The following SCNN1B variants were observed in gnomAD, a reference collection of about 807,000 sequenced individuals.
The protein encoded by SCNN1B is epithelial sodium channel subunit beta.
In SCNN1B, 46 loss-of-function variants were observed where a neutral mutation model predicts 65.3. The observed-to-expected ratio is 0.70, with a 90% CI of 0.56 to 0.90. The LOEUF (loss-of-function observed/expected upper bound fraction) is 0.90. Among genes scored for constraint, SCNN1B ranks in the 40% least tolerant of loss-of-function variants. The pLI, the probability that SCNN1B is intolerant of heterozygous loss-of-function variation, is 0.00. For synonymous variants in SCNN1B, 349 were observed against 330.6 expected, an observed-to-expected ratio of 1.06 and a Z score of -0.60; for missense variants, 751 against 830.5, an observed-to-expected ratio of 0.90 and a Z score of 1.18.
intron 2 of SCNN1B, among the ~76,000 whole-genome samples, chr16:23,287,698 T>C (rs1181480252): frequency 6.6e-6 from 1 of 152,144 alleles, no homozygotes; most frequent in Admixed American, 6.5e-5. Flanking sequence ...GAGCTATGAT[T>C]ATACCACCAC....
chr16:23,362,683 C>T (rs1010779035), intron 4 of SCNN1B, among the ~76,000 whole-genome samples: 3 of 152,172 alleles, frequency 2.0e-5, no homozygotes, highest in Non-Finnish European at 4.4e-5. Flanking sequence ...ATAGTTGGCA[C>T]GCACGTGGAG....
chr16:23,360,059 T>C (rs982438173), intron 4 of SCNN1B, among the ~76,000 whole-genome samples: 1 of 151,636 alleles, frequency 6.6e-6, no homozygotes, highest in Non-Finnish European at 1.5e-5. Flanking sequence ...AAAAATTAGC[T>C]GGGTGCAGTG....
intron 1 of SCNN1B, among the ~76,000 whole-genome samples, chr16:23,329,888 T>C (rs1961775105): frequency 6.6e-6 from 1 of 151,964 alleles, no homozygotes; most frequent in African/African-American, 2.4e-5. Flanking sequence ...TAGTTGGGTG[T>C]GGTGGCATGT....
intron 1 of SCNN1B, among the ~76,000 whole-genome samples, chr16:23,345,023 G>A (rs1171343596): frequency 6.6e-6 from 1 of 152,060 alleles, no homozygotes; most frequent in African/African-American, 2.4e-5. Context: ...GAGAGAGAGA[G>A]AGAGAGAGAA....
chr16:23,279,627 T>C lies in SCNN1B; in HGVS notation n.110+1287T>C, dbSNP rs543276327. 7.2e-5 allele frequency among the ~76,000 whole-genome samples: 11 copies of C among 152,368 alleles called. No individual in the cohort carries two copies. The East Asian group carries it at 1.9e-3, about 27-fold the overall frequency. ...TCTTTGGGCTCAGAACTGGCTGATA[T>C]TTAATTTTCTGCTTCTTTTTTGAAG... On this transcript the variant is annotated intron_variant and non_coding_transcript_variant, in intron 1 of 3. Transcript: ENST00000569789.
chr16:23,294,376 A>C (rs532336868), intron 2 of SCNN1B, among the ~76,000 whole-genome samples: 39 of 151,918 alleles, frequency 2.6e-4, no homozygotes, highest in African/African-American at 8.9e-4. Flanking sequence ...CAGCCTGGGC[A>C]ACAGAATGAG....
chr16:23,377,214 C>T lies in SCNN1B; in HGVS notation c.1320C>T (p.Cys440=), dbSNP rs1438111207. The T allele has an allele frequency of 1.9e-6, 3 of 1,614,124 alleles. No homozygotes were observed. The African/African-American group carries it at 4.0e-5, about 22-fold the overall frequency. ...LQMSVAQRET[C]IGMCKESCND... ...TGAGCGTGGCGCAGAGAGAGACCTG[C>T]ATTGGCATGTGCAAGGAGTCCTGCA... Residue 440 remains cysteine, a synonymous_variant, in exon 9 of 13, where the codon TGC becomes TGT. Coordinates refer to ENST00000343070, the MANE Select transcript of SCNN1B (RefSeq NM_000336.3).
At chr16:23,323,426 C>A in intron 1 of SCNN1B, 1 of 647,164 alleles carries the variant, frequency 1.5e-6, no homozygotes, top group Non-Finnish European at 2.8e-6. Context: ...TGGGTATATG[C>A]AAATAAGAAG....
At chr16:23,339,395 T>C (rs150007303) in intron 1 of SCNN1B, among the ~76,000 whole-genome samples, 1,528 of 140,364 alleles carry the variant, frequency 0.011, 16 homozygotes, top group Non-Finnish European at 0.015. Flanking sequence ...CTGGGTCATA[T>C]GATAACTGTT....
At chr16:23,294,103 T>C (rs758853964) in intron 2 of SCNN1B, among the ~76,000 whole-genome samples, 1 of 152,168 alleles carries the variant, frequency 6.6e-6, no homozygotes, top group Non-Finnish European at 1.5e-5. Flanking sequence ...ATCATGACTG[T>C]AATCCCAGCA....
At chr16:23,362,609 T>C (rs796684026) in intron 4 of SCNN1B, among the ~76,000 whole-genome samples, 30 of 152,306 alleles carry the variant, frequency 2.0e-4, no homozygotes, top group African/African-American at 7.0e-4. Context: ...CACCTGGCTC[T>C]GGAATCAGAG....
Position 23,324,711 on chromosome 16 carries a change from C to T in SCNN1B, c.-9+22274C>T, listed in dbSNP as rs375227902. Among the ~76,000 whole-genome samples, 24 of 152,300 alleles carry T rather than the reference C, an allele frequency of 1.6e-4. No individual in the cohort carries two copies. The East Asian group carries it at 2.9e-3, about 18-fold the overall frequency. On this transcript the variant is annotated intron_variant, in intron 1 of 12. Coordinates refer to ENST00000343070, the MANE Select transcript of SCNN1B (RefSeq NM_000336.3). ...CATCCTACCCCACCCCACACACACA[C>T]GCCCCTGGCATCTTTCAAGGCTTGG...
intron 1 of SCNN1B, among the ~76,000 whole-genome samples, chr16:23,305,529 ATATAT>A (rs1436888511): frequency 0.42 from 2,279 of 5,476 alleles, 398 homozygotes; most frequent in Non-Finnish European, 0.47. Context: ...TACCAAATAT[ATATAT>A]TATATATATA....
chr16:23,324,406 T>C lies in SCNN1B; in HGVS notation c.-9+21969T>C, dbSNP rs538897497. 1.5e-3 allele frequency among the ~76,000 whole-genome samples: 226 copies of C among 152,198 alleles called. 1 individual carries two copies. The highest frequency in any genetic ancestry group is 2.5e-3 in the Admixed American group (38 of 15,268). On this transcript the variant is annotated intron_variant, in intron 1 of 12. Coordinates refer to ENST00000343070, the MANE Select transcript of SCNN1B (RefSeq NM_000336.3). Reference sequence around the variant, plus strand: ...TTTTAGAGATGGTGGTCTCACTATATTGCCCAGGCTGGTCTGGAACTCCTG... The same window carrying C: ...TTTTAGAGATGGTGGTCTCACTATACTGCCCAGGCTGGTCTGGAACTCCTG...
At chr16:23,299,172 A>G (rs1055276617), upstream of SCNN1B, among the ~76,000 whole-genome samples, 16 of 144,648 alleles carry the variant, frequency 1.1e-4, no homozygotes, top group African/African-American at 4.1e-4. Flanking sequence ...TGATTCTCCC[A>G]CCTCAGCCTC....
In SCNN1B at chr16:23,375,727, A is replaced by T. The variant is rs1219656665; in HGVS notation, c.1153-11A>T. 1 of 1,591,562 alleles carries T rather than the reference A, an allele frequency of 6.3e-7. No homozygotes were observed. The highest frequency in any genetic ancestry group is 1.1e-5 in the South Asian group (1 of 90,544). On this transcript the variant is annotated splice_polypyrimidine_tract_variant and intron_variant, in intron 7 of 12. Transcript: ENST00000343070. ...TGTGTTCTCTCCTTATGAACCCCCT[A>T]CCCTCCCCAGGCCTGTCTTCGCTCC...
Position 23,371,397 on chromosome 16 carries a change from C to G in SCNN1B, c.979C>G (p.Pro327Ala), listed in dbSNP as rs1962780461. The G allele has an allele frequency of 1.2e-6, 2 of 1,614,094 alleles. No homozygotes were observed. The highest frequency in any genetic ancestry group is 1.7e-4 in the Middle Eastern group (1 of 6,054). The change falls in exon 6 of 13, where the codon CCC (proline) becomes GCC (alanine). Residue 327 changes from proline to alanine, a missense_variant. Physicochemically the swap from Pro to Ala is conservative, Grantham distance 27. Transcript: ENST00000343070. ...GATGCTTCACGAGCAGAGGTCATAC[C>G]CCTTCATCAGAGATGAGGGCATCTA... ...RLMLHEQRSY[P>A]FIRDEGIYAM... is the part of the protein sequence containing the mutation.
At chr16:23,307,093 A>G (rs566219934) in intron 1 of SCNN1B, among the ~76,000 whole-genome samples, 3 of 152,294 alleles carry the variant, frequency 2.0e-5, no homozygotes, top group Admixed American at 2.0e-4. Flanking sequence ...GTTGGACACC[A>G]AATCTGTCTG....
chr16:23,304,353 C>T (rs146553467), intron 1 of SCNN1B, among the ~76,000 whole-genome samples: 1 of 152,252 alleles, frequency 6.6e-6, no homozygotes, highest in African/African-American at 2.4e-5. Context: ...AGTGTACATG[C>T]ATGCATACAC....
Sources: gnomAD v4.1 joint callset for allele counts (sites outside exome capture counted in the v4.1 genomes callset) on GRCh38, gnomAD v4.1.1 for gene constraint, MANE v1.5 for transcripts, NCBI Gene and HGNC (gene_info 2026-07-23, HGNC 2026-07-21) for gene names.